HSPG2: variants seen among roughly 807,000 people sequenced by gnomAD.
The protein encoded by HSPG2 is basement membrane-specific heparan sulfate proteoglycan core protein.
In HSPG2, 278 loss-of-function variants were observed where a neutral mutation model predicts 526.6. The observed-to-expected ratio is 0.53, with a 90% CI of 0.48 to 0.58. The LOEUF is 0.58. Among genes scored for constraint, HSPG2 ranks in the 20% least tolerant of loss-of-function variants. HSPG2 has a pLI of 0.00. For missense variants in HSPG2, 5,354 were observed against 6,099.5 expected (o/e 0.88, Z 4.07); for synonymous variants, 2,465 against 2,555.4 (o/e 0.96, Z 1.07).
chr1:21,847,324 ATCCCTCG>A lies in HSPG2; in HGVS notation c.8164+23_8164+29del. The A allele has an allele frequency of 3.7e-6, 6 of 1,613,462 alleles. No individual in the cohort carries two copies. Among genetic ancestry groups the A allele is most frequent in the Non-Finnish European group, 5.1e-6 (6 of 1,179,868 alleles). ...CTCCCCAGGGAACACTGTTGCCTGC[ATCCCTCG>A]TCCCTTTCCTAGGCAGACTCACCGG... is the stretch of plus-strand genomic sequence containing the variant. On this transcript the variant is annotated intron_variant, in intron 62 of 96. Transcript: ENST00000374695. This position sits in a 1 kb window ranked among gnomAD's most constrained non-coding sequence, Gnocchi z 4.1.
Position 21,873,425 on chromosome 1 carries a change from C to CTG in HSPG2, c.3744-3_3744-2dup. ...GTTGCCATAGTAGCCAGGGGCGCAC[C>CTG]TGCAGAGAGAAAAAGCCTCTGATGA... On this transcript the variant is annotated splice_acceptor_variant, in intron 29 of 96. Transcript: ENST00000374695. LOFTEE classifies it high-confidence loss of function. The CTG allele has an allele frequency of 6.2e-7, 1 of 1,614,044 alleles. No homozygotes were observed. The highest frequency in any genetic ancestry group is 1.3e-5 in the African/African-American group (1 of 75,000).
chr1:21,864,332 C>CA lies in HSPG2; in HGVS notation c.4627-120_4627-119insT. The CA allele has an allele frequency of 2.4e-6, 2 of 821,582 alleles. No individual in the cohort carries two copies. The highest frequency in any genetic ancestry group is 4.1e-6 in the Non-Finnish European group (2 of 488,424). 50.9% of individuals were successfully genotyped at this position (821,582 alleles called of 1,614,324 possible). On this transcript the variant is annotated intron_variant, in intron 36 of 96. Coordinates refer to ENST00000374695, the MANE Select transcript of HSPG2 (RefSeq NM_005529.7). The surrounding 1 kb of genome is among the most constrained non-coding windows in gnomAD (Gnocchi z 4.8). ...GTGACCCTGGAACATCACAGGCCGG[C>CA]GCCCCTCCTTCCCCACTTCTGCTCA...
rs541456483 is a variant in HSPG2, at chr1:21,822,333, C to T, written c.*983G>A. On this transcript the variant is annotated 3_prime_UTR_variant, in exon 97 of 97. Coordinates refer to ENST00000374695, the MANE Select transcript of HSPG2 (RefSeq NM_005529.7). Reference sequence around the variant, plus strand: ...GACACAGAGGCCAGGCGTCCCAACCCCACAGTCTGGGGGCCACTGGCAGGA... The same window carrying T: ...GACACAGAGGCCAGGCGTCCCAACCTCACAGTCTGGGGGCCACTGGCAGGA... The T allele has an allele frequency of 1.2e-5, 12 of 1,036,464 alleles. No individual in the cohort carries two copies. Among genetic ancestry groups the T allele is most frequent in the East Asian group, 9.9e-5 (4 of 40,306 alleles). The allele number at this position is 1,036,464 out of a possible 1,614,324, so 64.2% of individuals were successfully genotyped here.
At chr1:21,863,503 G>T (rs2152734348) in intron 37 of HSPG2, among the ~76,000 whole-genome samples, 1 of 152,266 alleles carries the variant, frequency 6.6e-6, no homozygotes, top group East Asian at 1.9e-4. Flanking sequence ...CCAAGTTTAG[G>T]TTATGGCTGT....
In HSPG2 at chr1:21,824,478, C is replaced by T; in HGVS notation, c.12744+59G>A. 6.2e-7 allele frequency: 1 copy of T among 1,606,546 alleles called. No individual in the cohort carries two copies. The highest frequency in any genetic ancestry group is 8.5e-7 in the Non-Finnish European group (1 of 1,175,394). On this transcript the variant is annotated intron_variant, in intron 93 of 96. Coordinates refer to ENST00000374695, the MANE Select transcript of HSPG2 (RefSeq NM_005529.7). The surrounding 1 kb of genome is among the most constrained non-coding windows in gnomAD (Gnocchi z 5.9). Reference sequence around the variant, plus strand: ...CCCCTCCCCCCACCACTCCGGCCACCAGGAAGCCAGCTTCCTGCCCCAGGA... The same window carrying T: ...CCCCTCCCCCCACCACTCCGGCCACTAGGAAGCCAGCTTCCTGCCCCAGGA...
rs201958429 is a variant in HSPG2, at chr1:21,841,202, C to T, written c.9412G>A (p.Gly3138Arg). 216 of 1,613,848 alleles carry T rather than the reference C, an allele frequency of 1.3e-4. No individual in the cohort carries two copies. Among genetic ancestry groups the T allele is most frequent in the South Asian group, 2.2e-4 (20 of 91,082 alleles). ...KAVTLECVSA[G>R]EPRSSARWTR... The stretch of plus-strand genomic sequence containing the variant: ...CAACGAGCAGAGGAGCGGGGCTCCC[C>T]GGCACTGACACACTCCAGGGTGACA... The change falls in exon 71 of 97, where the codon GGG becomes AGG. Residue 3138 changes from glycine (G) to arginine (R), a missense_variant. Gly to Arg is a moderately radical substitution (Grantham distance 125). Transcript: ENST00000374695.
At chr1:21,856,901 A>T in intron 44 of HSPG2, 114 bp downstream of exon 44, 1 of 1,126,784 alleles carries the variant, frequency 8.9e-7, no homozygotes, top group Non-Finnish European at 1.4e-6. Flanking sequence ...GACCAGGACC[A>T]GGCATGCAGC....
intron 1 of HSPG2, among the ~76,000 whole-genome samples, chr1:21,922,964 C>A (rs1265188033): frequency 6.6e-6 from 1 of 152,138 alleles, no homozygotes; most frequent in East Asian, 1.9e-4. Context: ...ATCCCGCCCC[C>A]ACCCCGACCC....
At position 21,890,338 on chromosome 1, in the gene HSPG2, G is replaced by T. The variant is rs566595308; in HGVS notation, c.413+89C>A. 104 of 1,394,890 alleles carry T rather than the reference G, an allele frequency of 7.5e-5. No individual in the cohort carries two copies. The East Asian group carries it at 1.9e-3, about 25-fold the overall frequency. The allele number at this position is 1,394,890 out of a possible 1,614,324, so 86.4% of individuals were successfully genotyped here. A position where few individuals can be genotyped will look rare whatever the true frequency, so the allele number is the denominator to read the frequency against. ...AGCGACTCATCCCATAGGCCTTTCC[G>T]CGGTGCCAGGCTTCCTTCCCATCCT... is the stretch of plus-strand genomic sequence containing the variant. On this transcript the variant is annotated intron_variant, in intron 5 of 96. Transcript: ENST00000374695. This position sits in a 1 kb window ranked among gnomAD's most constrained non-coding sequence, Gnocchi z 4.1.
chr1:21,825,607 G>A (rs1197502322), intron 91 of HSPG2, among the ~76,000 whole-genome samples: 1 of 152,130 alleles, frequency 6.6e-6, no homozygotes, highest in Non-Finnish European at 1.5e-5. Flanking sequence ...TCTGGCAGGG[G>A]ACAAGAGTAG....
At chr1:21,851,338 TC>T in intron 55 of HSPG2, 1 of 656,594 alleles carries the variant, frequency 1.5e-6, no homozygotes, top group South Asian at 1.9e-5. Flanking sequence ...AAGTAACTTG[TC>T]CGAGGTCACA....
At chr1:21,841,435 C>A in intron 70 of HSPG2, 104 bp downstream of exon 70, 2 of 1,576,752 alleles carry the variant, frequency 1.3e-6, no homozygotes, top group Middle Eastern at 1.7e-4. Context: ...GGAGAATGCC[C>A]AAGACAGAGT....
At chr1:21,827,201 C>T (rs903315002) in intron 91 of HSPG2, among the ~76,000 whole-genome samples, 3 of 151,906 alleles carry the variant, frequency 2.0e-5, no homozygotes, top group African/African-American at 7.3e-5. Flanking sequence ...GAGCAAGACT[C>T]CACCTTAAAA....
intron 21 of HSPG2, among the ~76,000 whole-genome samples, 196 bp from the exon 22 acceptor site, chr1:21,876,848 C>G (rs1641109326): frequency 6.6e-6 from 1 of 152,134 alleles, no homozygotes; most frequent in South Asian, 2.1e-4. Flanking sequence ...CACCTCAGGT[C>G]AGGAGTTCAA....
rs12044363 is a variant in HSPG2 at position 21,834,401 on chromosome 1, G to A, written c.10720+278C>T. 0.13 allele frequency among the ~76,000 whole-genome samples: 20,445 copies of A among 152,148 alleles called. 1,669 individuals are homozygous for A. The highest frequency in any genetic ancestry group is 0.28 in the South Asian group (1,348 of 4,824). ...ACTATGCTGCAGGTCTCTCCCAGCA[G>A]AGCAGGCACTCCCTGCAGATGAGGA... On this transcript the variant is annotated intron_variant, in intron 77 of 96. Coordinates refer to ENST00000374695, the MANE Select transcript of HSPG2 (RefSeq NM_005529.7).
intron 13 of HSPG2, among the ~76,000 whole-genome samples, chr1:21,882,442 C>CAG (rs1557778324): frequency 2.7e-5 from 4 of 146,876 alleles, no homozygotes; most frequent in East Asian, 2.0e-4. Context: ...CACACACACA[C>CAG]AGTCACCCTA....
At chr1:21,930,954 C>T (rs954328036) in intron 1 of HSPG2, among the ~76,000 whole-genome samples, 7 of 152,218 alleles carry the variant, frequency 4.6e-5, no homozygotes, top group African/African-American at 1.7e-4. Flanking sequence ...ACAGGACACC[C>T]TCCTTCATGG....
intron 47 of HSPG2, 30 bp downstream of exon 47, chr1:21,855,271 GCCT>G (rs1293810442): frequency 1.3e-6 from 2 of 1,585,704 alleles, no homozygotes; most frequent in Non-Finnish European, 1.7e-6. Flanking sequence ...GAGCCTGTGG[GCCT>G]CCTCCTCCTG....
At position 21,859,105 on chromosome 1, in the gene HSPG2, T is replaced by C. The variant is rs1208756496; in HGVS notation, c.5293+461A>G. ...CTCTGTTGCCCAGGCTGGAGTGCAG[T>C]GGCGCAATCTTGGCTCACTGCAACC... On this transcript the variant is annotated intron_variant, in intron 42 of 96. Coordinates refer to ENST00000374695, the MANE Select transcript of HSPG2 (RefSeq NM_005529.7). The surrounding 1 kb of genome is among the most constrained non-coding windows in gnomAD (Gnocchi z 5.3). Among the ~76,000 whole-genome samples, 3 of 152,050 alleles carry C rather than the reference T, an allele frequency of 2.0e-5. No individual in the cohort carries two copies. The highest frequency in any genetic ancestry group is 4.4e-5 in the Non-Finnish European group (3 of 68,014).
Sources: gnomAD v4.1 joint callset for allele counts (sites outside exome capture counted in the v4.1 genomes callset) on GRCh38, gnomAD v4.1.1 for gene constraint, Gnocchi (gnomAD v3.1) non-coding constraint, MANE v1.5 for transcripts, NCBI Gene and HGNC (gene_info 2026-07-23, HGNC 2026-07-21) for gene names.